Variants in PRKDC observed in about 807,000 individuals in gnomAD.
PRKDC encodes the protein DNA-dependent protein kinase catalytic subunit.
A neutral mutation model predicts 486.9 loss-of-function variants in PRKDC; 82 were observed. That is an observed-to-expected ratio of 0.17 (90% confidence interval 0.14 to 0.20). The LOEUF is 0.20. PRKDC is among the 10% of genes least tolerant of loss of function. The pLI is 1.00. For missense variants in PRKDC, 4,504 were observed against 5,038.2 expected (o/e 0.89, Z 3.21); for synonymous variants, 1,895 against 1,837.0 (o/e 1.03, Z -0.81).
At chr8:47,899,937 A>G (rs1474962728) in intron 28 of PRKDC, among the ~76,000 whole-genome samples, 1 of 152,212 alleles carries the variant, frequency 6.6e-6, no homozygotes, top group Non-Finnish European at 1.5e-5. Flanking sequence ...AAACAACTCT[A>G]TCACAGTCCT....
Position 47,778,594 on chromosome 8 carries a change from G to C in PRKDC, c.11718C>G (p.Ser3906Arg). ...AFLALRSHFA[S>R]SHALICISHW... The stretch of plus-strand genomic sequence containing the variant: ...GGCTGATGCATATCAGAGCGTGAGA[G>C]CTGGCGAAGTGGGAGCGGAGCGCCA... The change falls in exon 83 of 86, where the codon AGC (serine) becomes AGG (arginine). Residue 3906 changes from serine (S) to arginine (R), a missense_variant. By Grantham distance (110) the Ser-to-Arg change is moderately radical. Around this residue, in one of 6 missense-constraint regions of PRKDC, gnomAD observed 706 missense variants for 945.0 expected, o/e 0.75. Transcript: ENST00000314191. 2 of 1,613,762 alleles carry C rather than the reference G, an allele frequency of 1.2e-6. No homozygotes were observed. Among genetic ancestry groups the C allele is most frequent in the Non-Finnish European group, 1.7e-6 (2 of 1,179,796 alleles).
chr8:47,889,418 T>C (rs927302991), intron 32 of PRKDC, among the ~76,000 whole-genome samples, 196 bp from the exon 33 acceptor site: 2 of 152,210 alleles, frequency 1.3e-5, no homozygotes, highest in South Asian at 4.1e-4. Flanking sequence ...ACGCGTCTGA[T>C]AAGAAAGCAG....
intron 45 of PRKDC, 143 bp from the exon 46 acceptor site, chr8:47,859,902 C>T: frequency 1.1e-6 from 1 of 885,608 alleles, no homozygotes; most frequent in Non-Finnish European, 1.7e-6. Context: ...ACCTATTATC[C>T]AGATTAAGAA....
At chr8:47,788,722 G>A (rs984856207) in intron 76 of PRKDC, among the ~76,000 whole-genome samples, 184 bp downstream of exon 76, 2 of 152,120 alleles carry the variant, frequency 1.3e-5, no homozygotes, top group Admixed American at 6.5e-5. Context: ...GCTACCAGCC[G>A]ACCTAAAAAT....
At position 47,918,261 on chromosome 8, in the gene PRKDC, AC is replaced by A. The variant is rs1284662687; in HGVS notation, c.2526+15del. Reference sequence around the variant, plus strand: ...CTGCATTATGTAAGGTACAGAAAATACAAAGGACTTCTTACTGATGAAAGGT... The same window carrying A: ...CTGCATTATGTAAGGTACAGAAAATAAAAGGACTTCTTACTGATGAAAGGT... On this transcript the variant is annotated intron_variant, in intron 22 of 85. Coordinates refer to ENST00000314191, the MANE Select transcript of PRKDC (RefSeq NM_006904.7). 4 of 1,510,942 alleles carry A rather than the reference AC, an allele frequency of 2.6e-6. No homozygotes were observed. The highest frequency in any genetic ancestry group is 3.6e-6 in the Non-Finnish European group (4 of 1,111,682). The allele number at this position is 1,510,942 out of a possible 1,614,324, so 93.6% of individuals were successfully genotyped here.
chr8:47,956,277 G>A lies in PRKDC; in HGVS notation c.325-329C>T, dbSNP rs138397639. ...CTCAGGAGGCTGAGGGAGGAGAATC[G>A]CTTGAACCCGGGAGACGGAGGTTGC... On this transcript the variant is annotated intron_variant, in intron 3 of 85. Transcript: ENST00000314191. Among the ~76,000 whole-genome samples the A allele has an allele frequency of 4.1e-3, 617 of 152,172 alleles. 5 individuals are homozygous for A. Among genetic ancestry groups the A allele is most frequent in the African/African-American group, 0.014 (581 of 41,502 alleles).
chr8:47,784,703 C>CTT (rs80180226), intron 77 of PRKDC, among the ~76,000 whole-genome samples: 49 of 144,130 alleles, frequency 3.4e-4, no homozygotes, highest in African/African-American at 1.2e-3. Context: ...TAACTTGTCA[C>CTT]TTTTTTTTTT....
intron 39 of PRKDC, among the ~76,000 whole-genome samples, chr8:47,878,340 G>T (rs1026810092): frequency 2.6e-5 from 4 of 152,030 alleles, no homozygotes; most frequent in Non-Finnish European, 5.9e-5. Flanking sequence ...CTCCTGACCT[G>T]GTGATCTGCC....
intron 39 of PRKDC, among the ~76,000 whole-genome samples, chr8:47,878,913 G>A (rs561524957): frequency 5.9e-5 from 9 of 152,112 alleles, no homozygotes; most frequent in Non-Finnish European, 8.8e-5. Flanking sequence ...TCCTATCCCC[G>A]GGATATCTCA....
At chr8:47,912,060 C>T (rs112454897) in intron 25 of PRKDC, among the ~76,000 whole-genome samples, 3 of 152,082 alleles carry the variant, frequency 2.0e-5, no homozygotes, top group Non-Finnish European at 4.4e-5. Flanking sequence ...TGTGAGCCAC[C>T]GCGCGCGGCC....
intron 16 of PRKDC, among the ~76,000 whole-genome samples, chr8:47,932,579 T>C (rs1589801796): frequency 6.6e-6 from 1 of 152,240 alleles, no homozygotes; most frequent in South Asian, 2.1e-4. Flanking sequence ...GGGAGGGCAT[T>C]TTCTTATTTC....
Position 47,917,965 on chromosome 8 carries a change from C to T in PRKDC, c.2526+312G>A, listed in dbSNP as rs558643586. On this transcript the variant is annotated intron_variant, in intron 22 of 85. Transcript: ENST00000314191. ...GCACAGGTGATTCTCCCACCTCAGC[C>T]TCCCAAGTAGCTGGGGCCACAGGCA... Among the ~76,000 whole-genome samples the T allele has an allele frequency of 2.1e-4, 32 of 152,264 alleles. No homozygotes were observed. The East Asian group carries it at 6.2e-3, about 29-fold the overall frequency.
At chr8:47,895,688 G>T (rs1457511395) in intron 30 of PRKDC, among the ~76,000 whole-genome samples, 1 of 152,126 alleles carries the variant, frequency 6.6e-6, no homozygotes, top group Non-Finnish European at 1.5e-5. Flanking sequence ...TCACAAGGTT[G>T]CTGTGAGAAT....
chr8:47,887,100 T>C (rs900337837), intron 35 of PRKDC, among the ~76,000 whole-genome samples: 8 of 152,172 alleles, frequency 5.3e-5, no homozygotes, highest in Non-Finnish European at 1.2e-4. Context: ...TGGCTGCAGA[T>C]TTCAGCTACA....
chr8:47,915,300 G>T, intron 23 of PRKDC, 28 bp downstream of exon 23: 1 of 1,299,500 alleles, frequency 7.7e-7, no homozygotes, highest in Non-Finnish European at 1.1e-6. Flanking sequence ...TATATCTACA[G>T]AGGTTATTTA....
intron 68 of PRKDC, among the ~76,000 whole-genome samples, chr8:47,814,259 AT>A (rs574175065): frequency 1.6e-3 from 246 of 152,338 alleles, no homozygotes; most frequent in African/African-American, 5.7e-3. Flanking sequence ...CAAAAAAATT[AT>A]TTTTTAAAGC....
chr8:47,794,897 T>C (rs1241720899), intron 73 of PRKDC, among the ~76,000 whole-genome samples: 1 of 152,228 alleles, frequency 6.6e-6, no homozygotes, highest in Non-Finnish European at 1.5e-5. Flanking sequence ...TATTTATTTA[T>C]TTATTTTTTT....
At chr8:47,837,446 T>C (rs2088052360) in intron 56 of PRKDC, 27 bp from the exon 57 acceptor site, 1 of 1,533,378 alleles carries the variant, frequency 6.5e-7, no homozygotes, top group Non-Finnish European at 9.0e-7. Flanking sequence ...AAAAAGTATA[T>C]TGCTTAGACA....
intron 81 of PRKDC, 82 bp downstream of exon 81, chr8:47,778,922 C>T (rs1239233908): frequency 6.9e-7 from 1 of 1,442,464 alleles, no homozygotes; most frequent in Non-Finnish European, 9.4e-7. Context: ...CTCTCTGAGG[C>T]AAAGCTAAGA....
Sources: allele counts gnomAD v4.1 joint callset (sites outside exome capture counted in the v4.1 genomes callset), GRCh38; gene constraint gnomAD v4.1.1; regional missense constraint gnomAD v4.1.1; transcripts MANE v1.5; gene names NCBI Gene and HGNC (gene_info 2026-07-23, HGNC 2026-07-21).